FRMD3: variants seen among roughly 807,000 people sequenced by gnomAD.
FRMD3 encodes FERM domain containing 3.
Under a neutral mutation model 70.2 loss-of-function variants are expected in FRMD3, and 33 were observed. The observed-to-expected ratio is 0.47, with a 90% CI of 0.36 to 0.63. The LOEUF is 0.63. Ranked by LOEUF, FRMD3 falls within the 20% of genes least tolerant of loss-of-function variation. The pLI, the probability that FRMD3 is intolerant of heterozygous loss-of-function variation, is 0.00. For synonymous variants in FRMD3, 279 were observed against 255.9 expected, an observed-to-expected ratio of 1.09 and a Z score of -0.86; for missense variants, 632 against 711.4, an observed-to-expected ratio of 0.89 and a Z score of 1.27.
chr9:83,465,837 C>T (rs972685905), intron 1 of FRMD3, among the ~76,000 whole-genome samples: 7 of 152,230 alleles, frequency 4.6e-5, no homozygotes, highest in African/African-American at 1.7e-4. Flanking sequence ...GTATCCAACT[C>T]ATTAAAAAAA....
At chr9:83,475,858 G>A (rs111757138) in intron 1 of FRMD3, among the ~76,000 whole-genome samples, 101 of 152,182 alleles carry the variant, frequency 6.6e-4, no homozygotes, top group Non-Finnish European at 9.3e-4. Flanking sequence ...ATAAATGAGC[G>A]AAGATACATA....
intron 1 of FRMD3, among the ~76,000 whole-genome samples, chr9:83,454,751 C>T: frequency 6.6e-6 from 1 of 152,208 alleles, no homozygotes; most frequent in Non-Finnish European, 1.5e-5. Context: ...CCACCAGCCA[C>T]CACTTCAGTA....
At chr9:83,256,212 G>C (rs1372261260) in intron 13 of FRMD3, among the ~76,000 whole-genome samples, 6 of 151,846 alleles carry the variant, frequency 4.0e-5, no homozygotes, top group Non-Finnish European at 8.8e-5. Context: ...TCAGAAATAA[G>C]ACTGCACACC....
At chr9:83,391,798 A>G (rs1023858116) in intron 1 of FRMD3, among the ~76,000 whole-genome samples, 9 of 152,198 alleles carry the variant, frequency 5.9e-5, no homozygotes, top group Non-Finnish European at 1.3e-4. Flanking sequence ...GCCAATTCCC[A>G]TGGTTCCAGA....
At chr9:83,388,704 G>C (rs1455639692) in intron 2 of FRMD3, among the ~76,000 whole-genome samples, 1 of 152,058 alleles carries the variant, frequency 6.6e-6, no homozygotes, top group African/African-American at 2.4e-5. Context: ...AATAAAACAG[G>C]GGCTTTCAAG....
intron 1 of FRMD3, among the ~76,000 whole-genome samples, chr9:83,427,860 C>A (rs757926154): frequency 5.3e-5 from 8 of 152,134 alleles, no homozygotes; most frequent in Non-Finnish European, 1.0e-4. Flanking sequence ...ATTTCCTATT[C>A]ATGAGCTTGG....
intron 1 of FRMD3, among the ~76,000 whole-genome samples, chr9:83,521,740 T>G (rs1378307917): frequency 6.6e-6 from 1 of 152,174 alleles, no homozygotes; most frequent in African/African-American, 2.4e-5. Context: ...AATGCCAACT[T>G]CCCACTGCAC....
intron 12 of FRMD3, among the ~76,000 whole-genome samples, chr9:83,292,264 T>C (rs1241441274): frequency 1.3e-5 from 2 of 151,198 alleles, no homozygotes; most frequent in African/African-American, 4.9e-5. Context: ...GTTCAAGCAA[T>C]TCTCCTGCCT....
intron 1 of FRMD3, among the ~76,000 whole-genome samples, chr9:83,430,409 T>C (rs1333760916): frequency 6.6e-6 from 1 of 152,196 alleles, no homozygotes; most frequent in Non-Finnish European, 1.5e-5. Flanking sequence ...TGTACATGTG[T>C]ATAAGTACAT....
At chr9:83,528,767 A>C (rs1243901634) in intron 1 of FRMD3, among the ~76,000 whole-genome samples, 1 of 152,090 alleles carries the variant, frequency 6.6e-6, no homozygotes, top group Admixed American at 6.5e-5. Context: ...GGCTCATGCA[A>C]TCTGCTCACT....
chr9:83,430,381 T>G (rs1285612710), intron 1 of FRMD3, among the ~76,000 whole-genome samples: 5 of 152,148 alleles, frequency 3.3e-5, no homozygotes, highest in Middle Eastern at 3.2e-3. Flanking sequence ...AGCCACCATA[T>G]TGAGAAATTT....
At chr9:83,273,009 G>T (rs1464011136) in intron 13 of FRMD3, among the ~76,000 whole-genome samples, 4 of 146,426 alleles carry the variant, frequency 2.7e-5, no homozygotes, top group African/African-American at 1.0e-4. Context: ...GGAGGGAGGT[G>T]GGGGGCAGCC....
At chr9:83,324,442 T>C (rs1322635771) in intron 6 of FRMD3, among the ~76,000 whole-genome samples, 2 of 152,304 alleles carry the variant, frequency 1.3e-5, no homozygotes, top group South Asian at 2.1e-4. Flanking sequence ...TGGATGTTTT[T>C]TCAATTATTC....
chr9:83,474,517 G>C (rs759445823), intron 1 of FRMD3, among the ~76,000 whole-genome samples: 4 of 152,112 alleles, frequency 2.6e-5, no homozygotes, highest in Non-Finnish European at 5.9e-5. Context: ...TCACCTGCAC[G>C]TTTAAATGAC....
At chr9:83,564,114 C>G in the FRMD3 span, among the ~76,000 whole-genome samples, 799 of 152,280 alleles carry the variant, frequency 5.2e-3, 10 homozygotes, top group African/African-American at 0.018. Context: ...TGGCCTCTCT[C>G]TAGGCCAATC....
At chr9:83,571,389 G>C in the FRMD3 span, among the ~76,000 whole-genome samples, 2 of 152,156 alleles carry the variant, frequency 1.3e-5, no homozygotes, top group Non-Finnish European at 2.9e-5. Flanking sequence ...CTGGTATTCT[G>C]TTTTAGCAAC....
At chr9:83,482,748 A>G (rs546852319) in intron 1 of FRMD3, among the ~76,000 whole-genome samples, 1 of 152,304 alleles carries the variant, frequency 6.6e-6, no homozygotes, top group African/African-American at 2.4e-5. Context: ...TTCAACCAGA[A>G]GAGAAGAAAT....
chr9:83,377,455 C>T (rs79895124), intron 2 of FRMD3, among the ~76,000 whole-genome samples: 5,609 of 152,182 alleles, frequency 0.037, 181 homozygotes, highest in East Asian at 0.17. Flanking sequence ...CCAACCAAAC[C>T]TCATGTTGAA....
At chr9:83,315,978 C>T (rs1835549980) in intron 6 of FRMD3, among the ~76,000 whole-genome samples, 1 of 152,118 alleles carries the variant, frequency 6.6e-6, no homozygotes, top group East Asian at 1.9e-4. Context: ...TATTCTAAGT[C>T]TGTGTCTGGC....
Sources: gnomAD v4.1 joint callset for allele counts (sites outside exome capture counted in the v4.1 genomes callset) on GRCh38, gnomAD v4.1.1 for gene constraint, MANE v1.5 for transcripts, NCBI Gene and HGNC (gene_info 2026-07-23, HGNC 2026-07-21) for gene names.